The following RNF182 variants were observed in gnomAD, a reference collection of about 807,000 sequenced individuals.
RNF182 encodes the protein E3 ubiquitin-protein ligase RNF182.
A neutral mutation model predicts 14.4 loss-of-function variants in RNF182; 15 were observed. That is an observed-to-expected ratio of 1.04 (90% CI 0.70 to 1.60). The LOEUF is 1.60. Ranked by LOEUF, RNF182 falls within the 40% of genes most tolerant of loss-of-function variation. The pLI is 0.00. For synonymous variants in RNF182, 128 were observed against 122.9 expected (o/e 1.04, Z -0.27); for missense variants, 268 against 294.8 (o/e 0.91, Z 0.67).
At chr6:13,946,435 GAT>G in intron 1 of RNF182, among the ~76,000 whole-genome samples, 1 of 152,072 alleles carries the variant, frequency 6.6e-6, no homozygotes, top group African/African-American at 2.4e-5. Flanking sequence ...AAAGTGTTGG[GAT>G]TACAGGCATG....
intron 1 of RNF182, among the ~76,000 whole-genome samples, chr6:13,960,656 A>AGTGTGTGTGTGTGT (rs745687828): frequency 9.8e-5 from 13 of 133,216 alleles, no homozygotes; most frequent in Non-Finnish European, 1.6e-4. Context: ...GGAGAGAGAG[A>AGTGTGTGTGTGTGT]GTGTGTGTGT....
At chr6:13,950,685 TG>T (rs1759566224) in intron 1 of RNF182, among the ~76,000 whole-genome samples, 1 of 151,582 alleles carries the variant, frequency 6.6e-6, no homozygotes. Flanking sequence ...TTAGTAGAGA[TG>T]GGGCTTCACC....
intron 1 of RNF182, among the ~76,000 whole-genome samples, chr6:13,929,031 A>G (rs929457512): frequency 1.1e-4 from 16 of 152,184 alleles, no homozygotes; most frequent in African/African-American, 3.9e-4. Flanking sequence ...TAGTCCTACA[A>G]AAGAGTTGCT....
intron 1 of RNF182, among the ~76,000 whole-genome samples, chr6:13,964,575 G>A (rs970152005): frequency 3.3e-5 from 5 of 152,158 alleles, no homozygotes; most frequent in African/African-American, 1.2e-4. Context: ...GACTCCTGGA[G>A]CCAGCAGACC....
At position 13,961,517 on chromosome 6, in the gene RNF182, TC is replaced by T. The variant is rs1446872799; in HGVS notation, c.-366-12691del. The T allele has an allele frequency of 2.0e-5, 3 of 152,348 alleles. No homozygotes were observed. The East Asian group carries it at 5.8e-4, about 29-fold the overall frequency. 9.4% of individuals were successfully genotyped at this position (152,348 alleles called of 1,614,324 possible). A position where few individuals can be genotyped will look rare whatever the true frequency, so the allele number is the denominator to read the frequency against. On this transcript the variant is annotated intron_variant, in intron 1 of 2. Coordinates refer to ENST00000488300, the MANE Select transcript of RNF182 (RefSeq NM_152737.4). ...GGATGGTCATACTCCTGGCTGCACT[TC>T]CAGAGTCTTGAAGAAGAAAGCAGAT... is the stretch of plus-strand genomic sequence containing the variant.
At chr6:13,952,821 C>T (rs946747993) in intron 1 of RNF182, among the ~76,000 whole-genome samples, 4 of 152,038 alleles carry the variant, frequency 2.6e-5, no homozygotes, top group East Asian at 1.9e-4. Flanking sequence ...TTCCCAAAAG[C>T]GAGAGGAGGA....
chr6:13,929,860 T>A (rs1758921921), intron 1 of RNF182, among the ~76,000 whole-genome samples: 1 of 152,182 alleles, frequency 6.6e-6, no homozygotes, highest in South Asian at 2.1e-4. Context: ...CCCATCTTAT[T>A]TTCTCTTTTT....
At chr6:13,967,849 C>G (rs432578) in intron 1 of RNF182, among the ~76,000 whole-genome samples, 60,864 of 151,964 alleles carry the variant, frequency 0.4, 13,494 homozygotes, top group Middle Eastern at 0.51. Flanking sequence ...CGTGAGCCAC[C>G]ATGCCTGGCC....
At chr6:13,926,627 G>A (rs1038422134) in intron 1 of RNF182, among the ~76,000 whole-genome samples, 1 of 152,192 alleles carries the variant, frequency 6.6e-6, no homozygotes, top group Non-Finnish European at 1.5e-5. Context: ...TTAAAACGAA[G>A]TAGATCTGTT....
At chr6:13,958,037 A>G (rs1011491409) in intron 1 of RNF182, among the ~76,000 whole-genome samples, 2 of 152,128 alleles carry the variant, frequency 1.3e-5, no homozygotes, top group African/African-American at 4.8e-5. Flanking sequence ...CCTAGATGCT[A>G]TGACTTATAA....
intron 1 of RNF182, among the ~76,000 whole-genome samples, chr6:13,936,523 C>T (rs1447721811): frequency 1.3e-5 from 2 of 152,340 alleles, no homozygotes; most frequent in South Asian, 2.1e-4. Flanking sequence ...AACATTTAGA[C>T]AGCTCTTGTA....
At chr6:13,958,932 G>T (rs1191906603) in intron 1 of RNF182, among the ~76,000 whole-genome samples, 1 of 152,086 alleles carries the variant, frequency 6.6e-6, no homozygotes, top group Non-Finnish European at 1.5e-5. Flanking sequence ...TCTTATTCTT[G>T]TTAGTTCCCT....
intron 1 of RNF182, chr6:13,961,695 G>C (rs918023306): frequency 1.3e-5 from 2 of 152,104 alleles, no homozygotes. Context: ...TAATAACTTA[G>C]ATTGCTAGGT....
intron 1 of RNF182, among the ~76,000 whole-genome samples, chr6:13,937,826 G>A (rs1363587470): frequency 1.3e-5 from 2 of 152,044 alleles, no homozygotes; most frequent in African/African-American, 2.4e-5. Context: ...CTCATAGTTG[G>A]TATTGCCAGT....
intron 1 of RNF182, among the ~76,000 whole-genome samples, chr6:13,968,247 AG>A (rs1204641642): frequency 1.3e-5 from 2 of 152,092 alleles, no homozygotes; most frequent in African/African-American, 4.8e-5. Context: ...AGAAACAATC[AG>A]GGGCAGAGGT....
chr6:13,936,128 G>C (rs1759102030), intron 1 of RNF182, among the ~76,000 whole-genome samples: 1 of 152,180 alleles, frequency 6.6e-6, no homozygotes, highest in South Asian at 2.1e-4. Context: ...TAGCACTATG[G>C]GGATTGTGCT....
chr6:13,936,872 A>G (rs1433749963), intron 1 of RNF182, among the ~76,000 whole-genome samples: 2 of 152,154 alleles, frequency 1.3e-5, no homozygotes, highest in Non-Finnish European at 2.9e-5. Flanking sequence ...GCATCATAAA[A>G]GCTTAGAATC....
chr6:13,940,917 A>T (rs1484979824), intron 1 of RNF182, among the ~76,000 whole-genome samples: 2 of 152,116 alleles, frequency 1.3e-5, no homozygotes, highest in East Asian at 3.8e-4. Flanking sequence ...TAATCCAGCT[A>T]TTGTCAAAGA....
chr6:13,963,993 A>G (rs1376492884), intron 1 of RNF182, among the ~76,000 whole-genome samples: 1 of 152,106 alleles, frequency 6.6e-6, no homozygotes, highest in Non-Finnish European at 1.5e-5. Context: ...ATCATGAAAA[A>G]GTGGGGAAGA....
Sources: allele counts gnomAD v4.1 joint callset (sites outside exome capture counted in the v4.1 genomes callset), GRCh38; gene constraint gnomAD v4.1.1; transcripts MANE v1.5; gene names NCBI Gene and HGNC (gene_info 2026-07-23, HGNC 2026-07-21).